The following ZNF536 variants were observed in gnomAD, a reference collection of about 807,000 sequenced individuals.
ZNF536 encodes the protein zinc finger protein 536.
A neutral mutation model predicts 84.5 loss-of-function variants in ZNF536; 13 were observed. That is an observed-to-expected ratio of 0.15 (90% CI 0.10 to 0.24). The LOEUF (loss-of-function observed/expected upper bound fraction) is 0.24. Among genes scored for constraint, ZNF536 ranks in the 10% least tolerant of loss-of-function variants. The pLI is 1.00. For missense variants in ZNF536, 1,536 were observed against 1,747.5 expected, an observed-to-expected ratio of 0.88 and a Z score of 2.16; for synonymous variants, 811 against 742.5, an observed-to-expected ratio of 1.09 and a Z score of -1.50.
Position 30,588,664 on chromosome 19 carries a change from T to C in ZNF536, c.169+39150T>C, listed in dbSNP as rs28735686. Among the ~76,000 whole-genome samples the C allele has an allele frequency of 6.0e-3, 913 of 152,324 alleles. 10 individuals carry two copies. Among genetic ancestry groups the C allele is most frequent in the African/African-American group, 0.021 (880 of 41,564 alleles). ...CTCCAACATTTGCTCATCACAGTTT[T>C]TAACCCAGAGAGAGAAGGTCTTAGG... On this transcript the variant is annotated intron_variant, in intron 1 of 1. Coordinates refer to the ZNF536 transcript ENST00000592773.
chr19:30,231,164 T>C (rs915959554), intron 1 of ZNF536, among the ~76,000 whole-genome samples: 6 of 152,228 alleles, frequency 3.9e-5, no homozygotes, highest in Non-Finnish European at 8.8e-5. Context: ...TTGATGCAAA[T>C]TTAAAAACAA....
upstream of ZNF536, among the ~76,000 whole-genome samples, chr19:30,226,229 G>A (rs1599794276): frequency 6.6e-6 from 1 of 150,558 alleles, no homozygotes; most frequent in East Asian, 2.0e-4. This position sits in a 1 kb window ranked among gnomAD's most constrained non-coding sequence, Gnocchi z 4.6. Context: ...GGGGTGGGGG[G>A]AGTAAAAAGG....
chr19:30,623,690 C>T (rs1440843122), intron 1 of ZNF536, among the ~76,000 whole-genome samples: 2 of 152,174 alleles, frequency 1.3e-5, no homozygotes, highest in Non-Finnish European at 2.9e-5. Context: ...TCCCTGAGTC[C>T]TCCTATTTAA....
chr19:30,636,400 A>T (rs181730984), intron 1 of ZNF536, among the ~76,000 whole-genome samples: 1 of 152,266 alleles, frequency 6.6e-6, no homozygotes, highest in East Asian at 1.9e-4. Flanking sequence ...TCCCATCCTC[A>T]TGAGGCCCTT....
chr19:30,606,777 C>G (rs1369112145), intron 1 of ZNF536, among the ~76,000 whole-genome samples: 1 of 152,094 alleles, frequency 6.6e-6, no homozygotes. Context: ...GGGGCCCTGT[C>G]CAGCTGTGAT....
chr19:30,282,797 G>T (rs1365691684), intron 1 of ZNF536, among the ~76,000 whole-genome samples: 1 of 152,146 alleles, frequency 6.6e-6, no homozygotes, highest in South Asian at 2.1e-4. Flanking sequence ...AAATGCAAAA[G>T]ATCATCTGGT....
At chr19:30,424,269 A>G (rs1289257705) in intron 1 of ZNF536, among the ~76,000 whole-genome samples, 2 of 152,238 alleles carry the variant, frequency 1.3e-5, no homozygotes, top group East Asian at 3.9e-4. Flanking sequence ...GAGCAGGAGC[A>G]CTAGGTGGGT....
At chr19:30,499,492 C>T (rs1455189195) in intron 2 of ZNF536, among the ~76,000 whole-genome samples, 4 of 152,028 alleles carry the variant, frequency 2.6e-5, no homozygotes, top group African/African-American at 9.7e-5. Flanking sequence ...ATATGTATAT[C>T]TACCTATGTA....
intron 1 of ZNF536, among the ~76,000 whole-genome samples, chr19:30,649,455 A>G (rs1202135098): frequency 6.6e-6 from 1 of 152,084 alleles, no homozygotes; most frequent in African/African-American, 2.4e-5. Context: ...AGAAAAAAGC[A>G]TTTAGATGAG....
chr19:30,493,742 C>G (rs2054603598), intron 2 of ZNF536, among the ~76,000 whole-genome samples: 1 of 152,196 alleles, frequency 6.6e-6, no homozygotes, highest in African/African-American at 2.4e-5. Context: ...GTTGAGGTCT[C>G]TCACGTTCCA....
At chr19:30,434,523 A>G (rs951901983) in intron 1 of ZNF536, among the ~76,000 whole-genome samples, 71 of 152,352 alleles carry the variant, frequency 4.7e-4, no homozygotes, top group Middle Eastern at 3.4e-3. Flanking sequence ...GGCCACTGGC[A>G]TGTCTTCATG....
intron 1 of ZNF536, among the ~76,000 whole-genome samples, chr19:30,423,542 C>G (rs1352046668): frequency 6.6e-6 from 1 of 152,204 alleles, no homozygotes; most frequent in South Asian, 2.1e-4. Flanking sequence ...TCCCTTTTCT[C>G]TGTCACTGCT....
At chr19:30,522,699 C>G (rs535024622) in intron 2 of ZNF536, among the ~76,000 whole-genome samples, 32 of 152,176 alleles carry the variant, frequency 2.1e-4, no homozygotes, top group African/African-American at 6.5e-4. Context: ...ATAAACATGT[C>G]ATCCTTGTAG....
chr19:30,297,905 C>CA (rs796243209), intron 2 of ZNF536, among the ~76,000 whole-genome samples: 10 of 84,930 alleles, frequency 1.2e-4, no homozygotes, highest in African/African-American at 5.8e-4. Context: ...AGACGGAGTC[C>CA]CCCCCCCCTC....
chr19:30,539,315 C>T (rs899671890), intron 3 of ZNF536, among the ~76,000 whole-genome samples: 11 of 152,142 alleles, frequency 7.2e-5, no homozygotes, highest in Admixed American at 1.3e-4. Context: ...CCAGGCAAAG[C>T]GAGTGCACTC....
At chr19:30,551,570 C>G (rs538332794) in intron 4 of ZNF536, among the ~76,000 whole-genome samples, 2 of 152,330 alleles carry the variant, frequency 1.3e-5, no homozygotes, top group South Asian at 2.1e-4. Context: ...TTGTGCCCCC[C>G]ACCCCTCGCC....
chr19:30,421,381 C>T lies in ZNF536; in HGVS notation c.-2-22180C>T, dbSNP rs556834940. ...CCATTGGTGGTGCCCAGGGCGACTTCATTTTTTTTAAATTTTCTTTTTTAG... is the reference window on the plus strand; with the variant it reads ...CCATTGGTGGTGCCCAGGGCGACTTTATTTTTTTTAAATTTTCTTTTTTAG... On this transcript the variant is annotated intron_variant, in intron 1 of 4. Coordinates refer to ENST00000355537, the MANE Select transcript of ZNF536 (RefSeq NM_014717.3). 3.9e-5 allele frequency among the ~76,000 whole-genome samples: 6 copies of T among 152,054 alleles called. No homozygotes were observed. In the South Asian group the frequency reaches 1.3e-3, roughly 32 times the overall value.
intron 1 of ZNF536, among the ~76,000 whole-genome samples, chr19:30,583,573 C>T (rs1275916159): frequency 6.6e-6 from 1 of 152,180 alleles, no homozygotes; most frequent in East Asian, 1.9e-4. Context: ...CACACTTGAA[C>T]ACTTCCTTCC....
chr19:30,590,812 G>A (rs1277664054), intron 1 of ZNF536, among the ~76,000 whole-genome samples: 1 of 152,222 alleles, frequency 6.6e-6, no homozygotes, highest in Non-Finnish European at 1.5e-5. Flanking sequence ...TTTGTTTTCT[G>A]TGGTTCCCAT....
Sources: gnomAD v4.1 joint callset for allele counts (sites outside exome capture counted in the v4.1 genomes callset) on GRCh38, gnomAD v4.1.1 for gene constraint, Gnocchi (gnomAD v3.1) non-coding constraint, MANE v1.5 for transcripts, NCBI Gene and HGNC (gene_info 2026-07-23, HGNC 2026-07-21) for gene names.